The following CCDC160 variants were observed in gnomAD, a reference collection of about 807,000 sequenced individuals.
CCDC160 encodes the protein coiled-coil domain containing 160.
For synonymous variants in CCDC160, 94 were observed against 79.4 expected (o/e 1.18, Z -0.98); for missense variants, 227 against 215.6 (o/e 1.05, Z -0.33).
At chrX:134,241,565 A>T (rs766828186) in intron 1 of CCDC160, among the ~76,000 whole-genome samples, 4 of 112,369 alleles carry the variant, frequency 3.6e-5, no homozygotes, top group Non-Finnish European at 5.6e-5. Context: ...CATACGCCTT[A>T]ACAGTGCAGT....
chrX:134,245,659 A>G (rs1418649942), exon 2 of CCDC160: 2 of 1,207,027 alleles, frequency 1.7e-6, no homozygotes, highest in Non-Finnish European at 2.2e-6. Context: ...TGAACTGAGA[A>G]CTGAGAAGAC....
intron 1 of CCDC160, among the ~76,000 whole-genome samples, chrX:134,243,556 G>A (rs984596041): frequency 1.8e-5 from 2 of 111,983 alleles, no homozygotes; most frequent in Non-Finnish European, 3.8e-5. Flanking sequence ...TTATGAAGGA[G>A]ATTCCTTCTG....
intron 1 of CCDC160, among the ~76,000 whole-genome samples, chrX:134,240,172 AAG>A (rs1052987861): frequency 3.6e-5 from 4 of 112,089 alleles, no homozygotes; most frequent in African/African-American, 1.3e-4. Context: ...AAGCAGGAAA[AAG>A]AGAGAAAAAA....
chrX:134,243,830 T>C (rs1001015074), intron 1 of CCDC160, among the ~76,000 whole-genome samples: 13 of 111,804 alleles, frequency 1.2e-4, no homozygotes, highest in Admixed American at 1.0e-3. Flanking sequence ...TACCAGTTGG[T>C]GGCTTCAGGT....
intron 1 of CCDC160, among the ~76,000 whole-genome samples, chrX:134,242,108 A>G (rs1238203500): frequency 9.0e-6 from 1 of 111,372 alleles, no homozygotes; most frequent in Non-Finnish European, 1.9e-5. Flanking sequence ...GAAGAAAAAA[A>G]AAAGAGCAGC....
Position 134,245,621 on chromosome X carries a change from T to TC in CCDC160, c.823dup (p.Arg275ProfsTer10), listed in dbSNP as rs1432424260. The TC allele has an allele frequency of 8.3e-7, 1 of 1,209,008 alleles. No individual in the cohort carries two copies. The highest frequency in any genetic ancestry group is 3.0e-5 in the East Asian group (1 of 33,803). On this transcript the variant is annotated frameshift_variant, in exon 2 of 2. Coordinates refer to ENST00000370809, the Ensembl canonical transcript of CCDC160. LOFTEE classifies it low-confidence loss of function (END_TRUNC). ...TATTATGAATTAGAAATGGCAAAGA[T>TC]CCGCGGAGAGCTCAGTGTCATCAAG...
At chrX:134,238,699 G>A (rs2077018439) in intron 1 of CCDC160, 51 bp from the exon 2 acceptor site, 1 of 111,311 alleles carries the variant, frequency 9.0e-6, no homozygotes, top group East Asian at 2.8e-4. Context: ...CTACATCTCA[G>A]ATATAAACAC....
chrX:134,238,909 C>G (rs150205068), intron 1 of CCDC160, 69 bp downstream of exon 2: 162 of 111,327 alleles, frequency 1.5e-3, no homozygotes, highest in African/African-American at 5.1e-3. Flanking sequence ...CGCAACATAA[C>G]TCTTCAGCCT....
chrX:134,240,814 A>G (rs1027778611), intron 1 of CCDC160, among the ~76,000 whole-genome samples: 1 of 106,049 alleles, frequency 9.4e-6, no homozygotes, highest in Non-Finnish European at 1.9e-5. Flanking sequence ...AGTTAGGACT[A>G]CAGGCATATG....
At chrX:134,244,928 G>A (rs775388588) in exon 2 of CCDC160, 3 of 1,204,228 alleles carry the variant, frequency 2.5e-6, no homozygotes, top group East Asian at 5.9e-5. Context: ...AGCAGCAAGG[G>A]AATGGAAGAA....
downstream of CCDC160, chrX:134,245,790 A>G (rs1056953667): frequency 2.8e-6 from 3 of 1,083,237 alleles, no homozygotes; most frequent in African/African-American, 5.7e-5. Context: ...ACTTAAAAAA[A>G]TCCTTCCAGT....
chrX:134,246,410 G>C (rs1313696820), downstream of CCDC160, among the ~76,000 whole-genome samples: 1 of 111,856 alleles, frequency 8.9e-6, no homozygotes, highest in African/African-American at 3.3e-5. Flanking sequence ...AGACGACTTA[G>C]AGACATTGCT....
exon 2 of CCDC160, chrX:134,244,996 T>C (rs2077037748): frequency 2.5e-6 from 3 of 1,178,084 alleles, no homozygotes; most frequent in Middle Eastern, 2.3e-4. Context: ...GAGGAAAAAA[T>C]ATATTTTCCA....
At chrX:134,241,214 A>C (rs1166626196) in intron 1 of CCDC160, among the ~76,000 whole-genome samples, 1 of 111,928 alleles carries the variant, frequency 8.9e-6, no homozygotes, top group African/African-American at 3.2e-5. Flanking sequence ...ATAGATGTGC[A>C]TTCCTCTAAG....
downstream of CCDC160, among the ~76,000 whole-genome samples, chrX:134,246,374 C>G: frequency 9.0e-6 from 1 of 111,628 alleles, no homozygotes; most frequent in African/African-American, 3.3e-5. Context: ...TCTCCTTTGA[C>G]CTGGCCACGG....
rs3216936 is a variant in CCDC160, at chrX:134,245,653, CT to C, written c.854del (p.Leu285ArgfsTer27). ...AGAGCTCAGTGTCATCAAGAATGAA[CT>C]GAGAACTGAGAAGACCCTACAAGCA... is the stretch of plus-strand genomic sequence containing the variant. On this transcript the variant is annotated frameshift_variant, in exon 2 of 2. Transcript: ENST00000370809. LOFTEE classifies it low-confidence loss of function (END_TRUNC). The C allele has an allele frequency of 4.2e-4, 510 of 1,206,639 alleles. 6 individuals carry two copies. The East Asian group carries it at 0.015, about 35-fold the overall frequency.
rs3045487 is a variant in CCDC160, at chrX:134,240,664, C to CTTTTTT, written c.-25+3351_-25+3356dup. ...GGTCCTGAAAATTTGAAACCAAATT[C>CTTTTTT]TTTTTTTTTTTTTTTTTTTTTTTTT... On this transcript the variant is annotated intron_variant, in intron 1 of 1. Transcript: ENST00000370809. Among the ~76,000 whole-genome samples the CTTTTTT allele has an allele frequency of 6.3e-4, 17 of 27,167 alleles. 3 individuals carry two copies. The highest frequency in any genetic ancestry group is 6.0e-3 in the East Asian group (3 of 502). The allele number at this position is 27,167 out of a possible 115,157, so 23.6% of individuals were successfully genotyped here.
intron 1 of CCDC160, among the ~76,000 whole-genome samples, chrX:134,242,236 C>G (rs994758443): frequency 7.2e-5 from 8 of 111,880 alleles, no homozygotes; most frequent in African/African-American, 1.3e-4. Flanking sequence ...TACCCTCCCC[C>G]CTTCACTTTT....
chrX:134,245,386 G>A (rs779764637), exon 2 of CCDC160: 13 of 1,188,609 alleles, frequency 1.1e-5, no homozygotes, highest in Non-Finnish European at 1.5e-5. Context: ...AGAGACGGAT[G>A]CTTCAAAAAG....
Sources: allele counts gnomAD v4.1 joint callset (sites outside exome capture counted in the v4.1 genomes callset), GRCh38; gene constraint gnomAD v4.1.1; transcripts MANE v1.5; gene names NCBI Gene and HGNC (gene_info 2026-07-23, HGNC 2026-07-21).